Variants in EYA1 observed in about 807,000 individuals in gnomAD.
EYA1 encodes EYA transcriptional coactivator and phosphatase 1, also known as protein phosphatase EYA1.
In EYA1, 16 loss-of-function variants were observed where a neutral mutation model predicts 82.0. The ratio of observed to expected loss-of-function variants is 0.20; its 90% confidence interval spans 0.13 to 0.30. The LOEUF (loss-of-function observed/expected upper bound fraction) is 0.30. Among genes scored for constraint, EYA1 ranks in the 10% least tolerant of loss-of-function variants. The pLI, the probability that EYA1 is intolerant of heterozygous loss-of-function variation, is 1.00. For synonymous variants in EYA1, 261 were observed against 264.4 expected, an observed-to-expected ratio of 0.99 and a Z score of 0.12; for missense variants, 633 against 730.7, an observed-to-expected ratio of 0.87 and a Z score of 1.54.
chr8:71,340,535 C>G (rs1274655258), intron 3 of EYA1, among the ~76,000 whole-genome samples: 1 of 152,124 alleles, frequency 6.6e-6, no homozygotes, highest in Non-Finnish European at 1.5e-5. Context: ...ACAAATTTTA[C>G]ACGTGACTAA....
In EYA1 at chr8:71,304,151, G is replaced by A. The variant is rs1035029089; in HGVS notation, c.557-4431C>T. On this transcript the variant is annotated intron_variant, in intron 7 of 17. Transcript: ENST00000340726. ...AAAGTGTTAGAAGCAAAATAGAAGT[G>A]ACAAGAACAAATAATAATACTTAAA... is the stretch of plus-strand genomic sequence containing the variant. Among the ~76,000 whole-genome samples the A allele has an allele frequency of 2.8e-5, 4 of 142,654 alleles. 1 individual carries two copies. Among genetic ancestry groups the A allele is most frequent in the Admixed American group, 7.0e-5 (1 of 14,372 alleles). The allele number at this position is 142,654 out of a possible 152,430, so 93.6% of individuals were successfully genotyped here.
At chr8:71,355,804 A>G (rs889288124) in intron 2 of EYA1, among the ~76,000 whole-genome samples, 3 of 152,240 alleles carry the variant, frequency 2.0e-5, no homozygotes, top group African/African-American at 7.2e-5. Flanking sequence ...GCCACTACTC[A>G]TGTTCACAAT....
At chr8:71,414,021 G>T (rs991900545) in intron 2 of EYA1, among the ~76,000 whole-genome samples, 1 of 152,188 alleles carries the variant, frequency 6.6e-6, no homozygotes, top group Non-Finnish European at 1.5e-5. Flanking sequence ...GGGTAGGAAA[G>T]AAAGTAGAAT....
At chr8:71,436,450 C>T (rs1806019162) in intron 2 of EYA1, among the ~76,000 whole-genome samples, 1 of 152,072 alleles carries the variant, frequency 6.6e-6, no homozygotes, top group Non-Finnish European at 1.5e-5. Flanking sequence ...ATTTGTTTAG[C>T]TGTATAATCA....
intron 1 of EYA1, among the ~76,000 whole-genome samples, chr8:71,358,764 C>T (rs1827125634): frequency 6.6e-6 from 1 of 152,080 alleles, no homozygotes; most frequent in African/African-American, 2.4e-5. Context: ...TGTTGATTTC[C>T]TCTCATGTTT....
intron 3 of EYA1, among the ~76,000 whole-genome samples, chr8:71,335,838 T>C (rs535138691): frequency 6.6e-6 from 1 of 151,904 alleles, no homozygotes; most frequent in African/African-American, 2.4e-5. Context: ...TAATGCCCCA[T>C]ACACATAAAG....
In EYA1 at chr8:71,444,650, G is replaced by A. The variant is rs140186682; in HGVS notation, c.34-88139C>T. 2.8e-3 allele frequency among the ~76,000 whole-genome samples: 426 copies of A among 152,288 alleles called. 1 individual carries two copies. The highest frequency in any genetic ancestry group is 9.1e-3 in the African/African-American group (377 of 41,548). Reference sequence around the variant, plus strand: ...CTTGGTACGAGGTGACTGAGCATCCGTATGTACTTCTTGCATACAGCAGGT... The same window carrying A: ...CTTGGTACGAGGTGACTGAGCATCCATATGTACTTCTTGCATACAGCAGGT... On this transcript the variant is annotated intron_variant, in intron 2 of 18. Transcript: ENST00000643681.
intron 7 of EYA1, among the ~76,000 whole-genome samples, chr8:71,317,199 G>A (rs1172518654): frequency 6.6e-6 from 1 of 152,174 alleles, no homozygotes; most frequent in African/African-American, 2.4e-5. Context: ...AAGTGCGTAA[G>A]TTTTTAGTAC....
chr8:71,537,916 G>A (rs559489824), intron 1 of EYA1, among the ~76,000 whole-genome samples: 2 of 152,228 alleles, frequency 1.3e-5, no homozygotes, highest in South Asian at 4.1e-4. Flanking sequence ...GTTTGTTATT[G>A]TTTCCTGGGC....
At chr8:71,348,768 T>A (rs979679827) in intron 3 of EYA1, among the ~76,000 whole-genome samples, 1 of 152,150 alleles carries the variant, frequency 6.6e-6, no homozygotes, top group African/African-American at 2.4e-5. Context: ...TCCTAGAACA[T>A]CCCAGGCACG....
At chr8:71,316,950 G>C (rs1188649938) in intron 7 of EYA1, among the ~76,000 whole-genome samples, 1 of 152,110 alleles carries the variant, frequency 6.6e-6, no homozygotes, top group Non-Finnish European at 1.5e-5. Context: ...CATTTGACTT[G>C]TACTTACATT....
chr8:71,456,500 C>T (rs536461188), intron 2 of EYA1, among the ~76,000 whole-genome samples: 179 of 152,268 alleles, frequency 1.2e-3, no homozygotes, highest in Admixed American at 2.1e-3. Flanking sequence ...TACCTGACTT[C>T]AAACTATACT....
chr8:71,320,273 G>A (rs1284669099), intron 6 of EYA1, among the ~76,000 whole-genome samples: 1 of 152,180 alleles, frequency 6.6e-6, no homozygotes, highest in Non-Finnish European at 1.5e-5. Flanking sequence ...CCAGGGCAGT[G>A]ATGGGAATGG....
intron 2 of EYA1, among the ~76,000 whole-genome samples, chr8:71,397,082 T>C (rs1048685288): frequency 1.2e-4 from 18 of 152,234 alleles, no homozygotes; most frequent in African/African-American, 4.3e-4. Context: ...TGATTTAAAA[T>C]CTGTTTTATC....
intron 10 of EYA1, 85 bp from the exon 11 acceptor site, chr8:71,269,908 T>C: frequency 1.0e-6 from 1 of 985,856 alleles, no homozygotes; most frequent in Non-Finnish European, 1.6e-6. Context: ...AAAAGTCATC[T>C]TGAAACGGAA....
intron 2 of EYA1, among the ~76,000 whole-genome samples, chr8:71,470,380 T>C (rs1414067915): frequency 6.6e-6 from 1 of 152,128 alleles, no homozygotes; most frequent in Admixed American, 6.6e-5. Flanking sequence ...AACAATGAGG[T>C]TTCTCTGATC....
intron 2 of EYA1, among the ~76,000 whole-genome samples, chr8:71,525,491 A>C (rs532123583): frequency 3.3e-5 from 5 of 152,200 alleles, no homozygotes; most frequent in Non-Finnish European, 7.3e-5. Flanking sequence ...CACAAAGGAC[A>C]TGAAATTTTT....
At chr8:71,508,335 A>G (rs546448650) in intron 2 of EYA1, among the ~76,000 whole-genome samples, 278 of 152,246 alleles carry the variant, frequency 1.8e-3, no homozygotes, top group African/African-American at 6.3e-3. Context: ...GTGCAGTGGC[A>G]CGATCTCAGC....
At chr8:71,291,713 T>C (rs189311761) in intron 9 of EYA1, among the ~76,000 whole-genome samples, 1 of 152,334 alleles carries the variant, frequency 6.6e-6, no homozygotes, top group Admixed American at 6.5e-5. Flanking sequence ...TTTTTAAGAA[T>C]TTAGCCTCAA....
Sources: gnomAD v4.1 joint callset for allele counts (sites outside exome capture counted in the v4.1 genomes callset) on GRCh38, gnomAD v4.1.1 for gene constraint, MANE v1.5 for transcripts, NCBI Gene and HGNC (gene_info 2026-07-23, HGNC 2026-07-21) for gene names.